Variants in SLC35F4 observed in about 807,000 individuals in gnomAD.
SLC35F4 encodes the protein solute carrier family 35 member F4.
A neutral mutation model predicts 44.2 loss-of-function variants in SLC35F4; 24 were observed. The ratio of observed to expected loss-of-function variants is 0.54; its 90% confidence interval spans 0.39 to 0.76. The LOEUF (loss-of-function observed/expected upper bound fraction) is 0.76. Ranked by LOEUF, SLC35F4 falls within the 30% of genes least tolerant of loss-of-function variation. The pLI is 0.00. For missense variants in SLC35F4, 562 were observed against 586.1 expected, an observed-to-expected ratio of 0.96 and a Z score of 0.42; for synonymous variants, 238 against 223.6, an observed-to-expected ratio of 1.06 and a Z score of -0.57.
At chr14:57,759,615 C>G (rs2077075496) in intron 1 of SLC35F4, among the ~76,000 whole-genome samples, 1 of 152,120 alleles carries the variant, frequency 6.6e-6, no homozygotes, top group Non-Finnish European at 1.5e-5. Context: ...TACTCTTTTA[C>G]ATAGTGGTTA....
intron 1 of SLC35F4, among the ~76,000 whole-genome samples, chr14:57,924,510 G>A (rs746460309): frequency 9.2e-5 from 14 of 151,590 alleles, no homozygotes; most frequent in African/African-American, 2.2e-4. Context: ...GTGCAATGGC[G>A]CTATCTCAGC....
chr14:57,715,329 C>T (rs947517941), intron 1 of SLC35F4, among the ~76,000 whole-genome samples: 33 of 152,178 alleles, frequency 2.2e-4, no homozygotes, highest in African/African-American at 3.9e-4. Context: ...TGATAGCTAA[C>T]GTGATCATAC....
At chr14:57,808,604 C>T (rs1393087670) in intron 1 of SLC35F4, among the ~76,000 whole-genome samples, 1 of 150,428 alleles carries the variant, frequency 6.6e-6, no homozygotes, top group East Asian at 1.9e-4. Flanking sequence ...CTTTCTCCAG[C>T]TTGGGCAATA....
intron 1 of SLC35F4, among the ~76,000 whole-genome samples, chr14:57,697,340 T>A (rs1331101818): frequency 6.6e-6 from 1 of 152,168 alleles, no homozygotes; most frequent in East Asian, 1.9e-4. Flanking sequence ...AGCATAATTT[T>A]AAACAAATTT....
At chr14:57,608,271 T>C (rs2071283014) in intron 1 of SLC35F4, among the ~76,000 whole-genome samples, 1 of 152,234 alleles carries the variant, frequency 6.6e-6, no homozygotes, top group South Asian at 2.1e-4. Context: ...GCATGTGACC[T>C]TATTTAGAGA....
chr14:57,939,486 A>T (rs747469791), intron 1 of SLC35F4, among the ~76,000 whole-genome samples: 14 of 152,214 alleles, frequency 9.2e-5, no homozygotes, highest in African/African-American at 1.2e-4. Flanking sequence ...AGAAGAAAGG[A>T]CATCACCACT....
At chr14:57,956,185 G>A (rs1890233958) in intron 1 of SLC35F4, among the ~76,000 whole-genome samples, 1 of 152,066 alleles carries the variant, frequency 6.6e-6, no homozygotes, top group Admixed American at 6.5e-5. Flanking sequence ...AACAAGAAAT[G>A]GGGAAAGCAT....
chr14:57,650,931 T>C (rs551495537), intron 1 of SLC35F4, among the ~76,000 whole-genome samples: 12 of 152,246 alleles, frequency 7.9e-5, no homozygotes, highest in African/African-American at 2.9e-4. Flanking sequence ...TTGTAATCCT[T>C]CAGGTCTCAG....
chr14:57,727,941 T>C (rs2076244547), intron 1 of SLC35F4, among the ~76,000 whole-genome samples: 2 of 152,202 alleles, frequency 1.3e-5, no homozygotes, highest in Admixed American at 6.5e-5. Context: ...TCTTGGTTGA[T>C]TTTCTGTATG....
chr14:57,727,052 G>C (rs2076221713), intron 1 of SLC35F4, among the ~76,000 whole-genome samples: 1 of 151,978 alleles, frequency 6.6e-6, no homozygotes, highest in Non-Finnish European at 1.5e-5. Context: ...TCTCCTTGCT[G>C]CTCAGCTTGC....
intron 1 of SLC35F4, among the ~76,000 whole-genome samples, chr14:57,941,805 T>G (rs558817601): frequency 6.6e-6 from 1 of 152,198 alleles, no homozygotes; most frequent in Non-Finnish European, 1.5e-5. Context: ...CATGAAATTT[T>G]TATTCCCTAT....
intron 1 of SLC35F4, among the ~76,000 whole-genome samples, chr14:57,746,510 T>C (rs2076757813): frequency 6.6e-6 from 1 of 152,212 alleles, no homozygotes; most frequent in South Asian, 2.1e-4. Flanking sequence ...CAATTGATCA[T>C]GATGTGTTAT....
At chr14:57,850,604 A>T (rs920283610) in intron 1 of SLC35F4, among the ~76,000 whole-genome samples, 4 of 152,224 alleles carry the variant, frequency 2.6e-5, no homozygotes, top group African/African-American at 9.6e-5. Flanking sequence ...TACTTTATGG[A>T]TATAACATGA....
At chr14:57,774,440 G>A (rs149283188) in intron 1 of SLC35F4, among the ~76,000 whole-genome samples, 138 of 152,310 alleles carry the variant, frequency 9.1e-4, no homozygotes, top group African/African-American at 3.2e-3. Context: ...AGAGTCCAGA[G>A]GGCTTAGTGT....
At chr14:57,840,760 C>T (rs1406304195) in intron 1 of SLC35F4, among the ~76,000 whole-genome samples, 1 of 152,014 alleles carries the variant, frequency 6.6e-6, no homozygotes, top group Non-Finnish European at 1.5e-5. Flanking sequence ...ACCCAAATAT[C>T]CCCCCCAAAT....
At chr14:57,669,094 T>C (rs560573328) in intron 1 of SLC35F4, among the ~76,000 whole-genome samples, 22 of 152,230 alleles carry the variant, frequency 1.4e-4, no homozygotes, top group African/African-American at 4.1e-4. Context: ...TTGAAGCAAT[T>C]GTGAATGGGA....
chr14:57,709,997 G>C (rs2140397891), intron 1 of SLC35F4, among the ~76,000 whole-genome samples: 1 of 152,344 alleles, frequency 6.6e-6, no homozygotes, highest in African/African-American at 2.4e-5. Flanking sequence ...TAAGTAACAA[G>C]GAGCCAAATG....
intron 1 of SLC35F4, among the ~76,000 whole-genome samples, chr14:57,829,105 C>A (rs981669252): frequency 6.6e-5 from 10 of 152,188 alleles, no homozygotes; most frequent in African/African-American, 2.4e-4. Flanking sequence ...GGGATGTTCA[C>A]ACAAAGGTTC....
chr14:57,586,253 G>T (rs2069711945), intron 3 of SLC35F4, among the ~76,000 whole-genome samples: 1 of 152,190 alleles, frequency 6.6e-6, no homozygotes, highest in African/African-American at 2.4e-5. Context: ...AATAAATGGT[G>T]TTGGGAAAAT....
Sources: gnomAD v4.1 joint callset for allele counts (sites outside exome capture counted in the v4.1 genomes callset) on GRCh38, gnomAD v4.1.1 for gene constraint, MANE v1.5 for transcripts, NCBI Gene and HGNC (gene_info 2026-07-23, HGNC 2026-07-21) for gene names.